The following PLCE1 variants were observed in gnomAD, a reference collection of about 807,000 sequenced individuals.
PLCE1 encodes the protein phospholipase C epsilon 1.
In PLCE1, 119 loss-of-function variants were observed where a neutral mutation model predicts 242.8. The ratio of observed to expected loss-of-function variants is 0.49; its 90% confidence interval spans 0.42 to 0.57. The LOEUF (loss-of-function observed/expected upper bound fraction) is 0.57, where lower values mean the gene tolerates loss of function less well. Among genes scored for constraint, PLCE1 ranks in the 20% least tolerant of loss-of-function variants. The probability of loss-of-function intolerance (pLI) is 0.00; values close to 1 mark genes in which losing one functional copy is unlikely to be tolerated. For synonymous variants in PLCE1, 945 were observed against 1,017.4 expected (o/e 0.93, Z 1.35); for missense variants, 2,441 against 2,788.8 (o/e 0.88, Z 2.81).
chr10:94,080,850 A>G (rs1182395254), intron 2 of PLCE1, among the ~76,000 whole-genome samples: 1 of 152,244 alleles, frequency 6.6e-6, no homozygotes, highest in Admixed American at 6.5e-5. Flanking sequence ...ACAAATAGCC[A>G]TGTACCACTG....
intron 2 of PLCE1, among the ~76,000 whole-genome samples, chr10:94,116,774 T>A (rs1212811542): frequency 6.6e-6 from 1 of 152,182 alleles, no homozygotes; most frequent in African/African-American, 2.4e-5. Flanking sequence ...GATGAACTGA[T>A]GAAACCCCAA....
At chr10:94,012,111 A>T (rs1474498552) in intron 1 of PLCE1, among the ~76,000 whole-genome samples, 2 of 152,122 alleles carry the variant, frequency 1.3e-5, no homozygotes, top group Non-Finnish European at 2.9e-5. Flanking sequence ...TGCCTGGTGC[A>T]CAACTTCCCA....
chr10:94,052,536 G>T (rs1000278745), intron 2 of PLCE1, among the ~76,000 whole-genome samples: 6 of 152,158 alleles, frequency 3.9e-5, no homozygotes, highest in Non-Finnish European at 8.8e-5. Context: ...AATTATGCTG[G>T]TAAAAACATA....
intron 2 of PLCE1, among the ~76,000 whole-genome samples, chr10:94,103,708 G>A (rs982806715): frequency 6.6e-6 from 1 of 152,130 alleles, no homozygotes; most frequent in African/African-American, 2.4e-5. Flanking sequence ...CTAAAATGAA[G>A]CAAACTCAAG....
intron 2 of PLCE1, among the ~76,000 whole-genome samples, chr10:94,057,061 C>T (rs1348659870): frequency 6.6e-6 from 1 of 152,130 alleles, no homozygotes; most frequent in African/African-American, 2.4e-5. Context: ...AGGTGATAGA[C>T]ATTTGGATTG....
At chr10:94,146,594 G>T (rs368936304) in intron 3 of PLCE1, among the ~76,000 whole-genome samples, 1 of 152,110 alleles carries the variant, frequency 6.6e-6, no homozygotes, top group African/African-American at 2.4e-5. Flanking sequence ...TTAGGGATCC[G>T]TAGCCCTGAC....
At position 94,136,106 on chromosome 10, in the gene PLCE1, G is replaced by C. The variant is rs559955501; in HGVS notation, c.1492+3647G>C. Among the ~76,000 whole-genome samples, 3 of 152,308 alleles carry C rather than the reference G, an allele frequency of 2.0e-5. No individual in the cohort carries two copies. In the East Asian group the frequency reaches 5.8e-4, roughly 29 times the overall value. ...AAACATGTTTGAAGTGAATTAAACG[G>C]AGTTGGTAAAGGTAGAGAAAAAGGA... On this transcript the variant is annotated intron_variant, in intron 3 of 32. Transcript: ENST00000371380.
chr10:94,242,374 G>A (rs1035212548), intron 7 of PLCE1, among the ~76,000 whole-genome samples: 3 of 152,086 alleles, frequency 2.0e-5, no homozygotes, highest in African/African-American at 7.2e-5. Flanking sequence ...CACAATGCCA[G>A]CTCACTGCTC....
At chr10:94,141,452 A>AGAGAGG (rs970947579) in intron 3 of PLCE1, among the ~76,000 whole-genome samples, 5 of 151,944 alleles carry the variant, frequency 3.3e-5, no homozygotes, top group Non-Finnish European at 7.4e-5. Context: ...CCAAAAAGAG[A>AGAGAGG]GAGAGGGAGA....
chr10:94,312,858 G>A (rs2053429535), intron 27 of PLCE1, among the ~76,000 whole-genome samples: 1 of 152,174 alleles, frequency 6.6e-6, no homozygotes, highest in Non-Finnish European at 1.5e-5. Context: ...AATGATTCAT[G>A]TGCCTGAATG....
chr10:94,204,021 G>A (rs1452467366), intron 4 of PLCE1, among the ~76,000 whole-genome samples: 1 of 152,062 alleles, frequency 6.6e-6, no homozygotes, highest in East Asian at 1.9e-4. Flanking sequence ...ATCAGCATTG[G>A]ACTCTTTGTT....
intron 3 of PLCE1, among the ~76,000 whole-genome samples, chr10:94,150,445 T>G (rs2047238420): frequency 6.6e-6 from 1 of 152,180 alleles, no homozygotes; most frequent in South Asian, 2.1e-4. Context: ...GGTTCAATTA[T>G]TTTAGCAGGC....
At chr10:94,140,382 A>C (rs902464532) in intron 3 of PLCE1, among the ~76,000 whole-genome samples, 5 of 151,992 alleles carry the variant, frequency 3.3e-5, no homozygotes, top group Admixed American at 2.6e-4. Flanking sequence ...AAATACAAAA[A>C]AAAAAAAAAA....
intron 2 of PLCE1, among the ~76,000 whole-genome samples, chr10:94,066,266 TTC>T (rs2044193437): frequency 6.6e-6 from 1 of 152,232 alleles, no homozygotes; most frequent in Admixed American, 6.5e-5. Flanking sequence ...TGAATTAGCT[TTC>T]TCTGTCTTTT....
At chr10:94,247,384 C>G (rs2050723116) in intron 8 of PLCE1, among the ~76,000 whole-genome samples, 1 of 151,552 alleles carries the variant, frequency 6.6e-6, no homozygotes, top group Non-Finnish European at 1.5e-5. Flanking sequence ...TTGTAGTTCT[C>G]CCATCTGCAA....
At chr10:94,007,699 C>CTTTTT (rs80098906) in intron 1 of PLCE1, among the ~76,000 whole-genome samples, 143 of 63,684 alleles carry the variant, frequency 2.2e-3, no homozygotes, top group East Asian at 6.2e-3. Flanking sequence ...AGCCTACTTT[C>CTTTTT]TTTTTTTTTT....
intron 20 of PLCE1, among the ~76,000 whole-genome samples, chr10:94,281,857 G>T (rs2052239571): frequency 6.6e-6 from 1 of 151,874 alleles, no homozygotes. Flanking sequence ...TTCCGTATGT[G>T]ACTATTAGAT....
At chr10:94,140,703 A>G (rs1310483203) in intron 3 of PLCE1, among the ~76,000 whole-genome samples, 1 of 152,252 alleles carries the variant, frequency 6.6e-6, no homozygotes, top group Non-Finnish European at 1.5e-5. Context: ...TAGTTTGTAA[A>G]GGCTGGCTTA....
chr10:94,092,013 G>A (rs1281966429), intron 2 of PLCE1, among the ~76,000 whole-genome samples: 4 of 152,166 alleles, frequency 2.6e-5, no homozygotes, highest in Non-Finnish European at 5.9e-5. Flanking sequence ...GTACAGGGAG[G>A]TGTCTGTGTG....
Sources: allele counts gnomAD v4.1 joint callset (sites outside exome capture counted in the v4.1 genomes callset), GRCh38; gene constraint gnomAD v4.1.1; transcripts MANE v1.5; gene names NCBI Gene and HGNC (gene_info 2026-07-23, HGNC 2026-07-21).